The following ZFYVE28 variants were observed in gnomAD, a reference collection of about 807,000 sequenced individuals.
ZFYVE28 encodes the protein zinc finger FYVE-type containing 28.
In ZFYVE28, 40 loss-of-function variants were observed where a neutral mutation model predicts 82.1. That is an observed-to-expected ratio of 0.49 (90% CI 0.38 to 0.63). The LOEUF (loss-of-function observed/expected upper bound fraction) is 0.63, where lower values mean the gene tolerates loss of function less well. Ranked by LOEUF, ZFYVE28 falls within the 30% of genes least tolerant of loss-of-function variation. The pLI is 0.00. For missense variants in ZFYVE28, 1,321 were observed against 1,242.1 expected, an observed-to-expected ratio of 1.06 and a Z score of -0.96; for synonymous variants, 612 against 546.1, an observed-to-expected ratio of 1.12 and a Z score of -1.68.
Position 2,418,230 on chromosome 4 carries a change from G to T in ZFYVE28, c.39+55C>A. 1 of 1,514,092 alleles carries T rather than the reference G, an allele frequency of 6.6e-7. No individual in the cohort carries two copies. The allele number at this position is 1,514,092 out of a possible 1,614,324, so 93.8% of individuals were successfully genotyped here. A position where few individuals can be genotyped will look rare whatever the true frequency, so the allele number is the denominator to read the frequency against. ...TCTTGTAGGGCGGACGGGCGGTCCT[G>T]GGGAAGGGAGAGGCCGCGACGCGGG... is the stretch of plus-strand genomic sequence containing the variant. On this transcript the variant is annotated intron_variant, in intron 1 of 12. Transcript: ENST00000290974. This position sits in a 1 kb window ranked among gnomAD's most constrained non-coding sequence, Gnocchi z 4.6.
chr4:2,363,679 T>C (rs1726469838), intron 1 of ZFYVE28, among the ~76,000 whole-genome samples: 1 of 152,212 alleles, frequency 6.6e-6, no homozygotes, highest in African/African-American at 2.4e-5. Flanking sequence ...CACCAGCGCA[T>C]GGAGGACTAA....
intron 8 of ZFYVE28, among the ~76,000 whole-genome samples, chr4:2,299,289 G>A (rs550581799): frequency 1.4e-3 from 216 of 152,206 alleles, no homozygotes; most frequent in African/African-American, 5.1e-3. Flanking sequence ...CAGGAACAGC[G>A]AAGGGTACTC....
At chr4:2,277,083 C>G (rs983261155) in intron 8 of ZFYVE28, among the ~76,000 whole-genome samples, 3 of 152,138 alleles carry the variant, frequency 2.0e-5, no homozygotes, top group Non-Finnish European at 4.4e-5. Flanking sequence ...GCGTGGCGCC[C>G]GACACAGAAG....
At chr4:2,283,106 A>G (rs1303815959) in intron 8 of ZFYVE28, among the ~76,000 whole-genome samples, 1 of 151,546 alleles carries the variant, frequency 6.6e-6, no homozygotes, top group Non-Finnish European at 1.5e-5. Flanking sequence ...AAAGTCATCC[A>G]TCCATCCACC....
chr4:2,393,644 T>A (rs1470679496), intron 1 of ZFYVE28, among the ~76,000 whole-genome samples: 1 of 152,224 alleles, frequency 6.6e-6, no homozygotes, highest in Non-Finnish European at 1.5e-5. Context: ...AAGGACATCA[T>A]GCATATGCAA....
intron 6 of ZFYVE28, among the ~76,000 whole-genome samples, chr4:2,323,624 T>C (rs1204775357): frequency 2.6e-5 from 4 of 151,892 alleles, no homozygotes; most frequent in South Asian, 2.1e-4. Flanking sequence ...ACATGTGCCA[T>C]GCTGGTGCGC....
Position 2,418,174 on chromosome 4 carries a change from A to T in ZFYVE28, c.39+111T>A. The T allele has an allele frequency of 1.0e-6, 1 of 999,918 alleles. No homozygotes were observed. Among genetic ancestry groups the T allele is most frequent in the Non-Finnish European group, 1.4e-6 (1 of 720,214 alleles). The allele number at this position is 999,918 out of a possible 1,614,324, so 61.9% of individuals were successfully genotyped here. A position where few individuals can be genotyped will look rare whatever the true frequency, so the allele number is the denominator to read the frequency against. On this transcript the variant is annotated intron_variant, in intron 1 of 12. Coordinates refer to ENST00000290974, the MANE Select transcript of ZFYVE28 (RefSeq NM_020972.3). The surrounding 1 kb of genome is among the most constrained non-coding windows in gnomAD (Gnocchi z 4.6). Reference sequence around the variant, plus strand: ...GGAAGGATGTCGGCGGTGGGGGAAGAGGCCGGCCACGGACAGGGAAAGGGA... The same window carrying T: ...GGAAGGATGTCGGCGGTGGGGGAAGTGGCCGGCCACGGACAGGGAAAGGGA...
intron 8 of ZFYVE28, among the ~76,000 whole-genome samples, chr4:2,303,912 C>T (rs554333040): frequency 7.2e-5 from 11 of 152,354 alleles, no homozygotes; most frequent in South Asian, 2.1e-4. Flanking sequence ...CCGGCGCTGG[C>T]ACAGCCCGCT....
chr4:2,283,770 G>A (rs982920285), intron 8 of ZFYVE28, among the ~76,000 whole-genome samples: 2 of 152,226 alleles, frequency 1.3e-5, no homozygotes, highest in African/African-American at 4.8e-5. Flanking sequence ...GTTGTGGGAG[G>A]TCAGAGGGGA....
chr4:2,330,936 G>T, intron 6 of ZFYVE28: 2 of 1,535,358 alleles, frequency 1.3e-6, no homozygotes, highest in South Asian at 1.2e-5. Flanking sequence ...ATGACACCTT[G>T]TTTTGACACA....
chr4:2,382,158 G>A (rs532033707), intron 1 of ZFYVE28, among the ~76,000 whole-genome samples: 1 of 152,384 alleles, frequency 6.6e-6, no homozygotes, highest in East Asian at 1.9e-4. Flanking sequence ...GAAGTTTGCT[G>A]CAGGGGTGGG....
intron 5 of ZFYVE28, among the ~76,000 whole-genome samples, chr4:2,336,526 T>TA (rs1331197747): frequency 6.6e-6 from 1 of 151,966 alleles, no homozygotes; most frequent in Non-Finnish European, 1.5e-5. Flanking sequence ...CAAATTACTG[T>TA]ACAAAGCCTG....
At chr4:2,350,459 G>A (rs1013686717) in intron 2 of ZFYVE28, among the ~76,000 whole-genome samples, 25 of 150,540 alleles carry the variant, frequency 1.7e-4, no homozygotes, top group African/African-American at 4.1e-4. Context: ...GCGAGACTCC[G>A]TCTCAAAAAA....
chr4:2,311,486 A>T (rs1350591528), intron 7 of ZFYVE28, among the ~76,000 whole-genome samples: 1 of 152,178 alleles, frequency 6.6e-6, no homozygotes, highest in Non-Finnish European at 1.5e-5. Flanking sequence ...AGATCGCACC[A>T]CTGTACTCCA....
intron 8 of ZFYVE28, among the ~76,000 whole-genome samples, chr4:2,284,789 G>A (rs1422457014): frequency 6.6e-6 from 1 of 152,158 alleles, no homozygotes; most frequent in Non-Finnish European, 1.5e-5. Flanking sequence ...AATCGGCTCT[G>A]GAACTGTCTG....
chr4:2,365,118 A>T (rs937629554), intron 1 of ZFYVE28, among the ~76,000 whole-genome samples: 2 of 125,686 alleles, frequency 1.6e-5, no homozygotes, highest in Non-Finnish European at 3.3e-5. Flanking sequence ...CAGCGTGGGG[A>T]GAGAGGGGCC....
chr4:2,342,662 G>A (rs1395182314), intron 2 of ZFYVE28: 1 of 152,190 alleles, frequency 6.6e-6, no homozygotes, highest in Non-Finnish European at 1.5e-5. Context: ...GTATATGAGG[G>A]AGAAGAAGCC....
chr4:2,350,056 C>CACACAT (rs1258979837), intron 2 of ZFYVE28, among the ~76,000 whole-genome samples: 2 of 152,012 alleles, frequency 1.3e-5, no homozygotes, highest in Non-Finnish European at 2.9e-5. Context: ...CACACACACA[C>CACACAT]ACACACACAC....
At chr4:2,390,035 T>C (rs1375478448) in intron 1 of ZFYVE28, among the ~76,000 whole-genome samples, 1 of 152,152 alleles carries the variant, frequency 6.6e-6, no homozygotes, top group Non-Finnish European at 1.5e-5. Context: ...AATGTGACCA[T>C]ATGTGGCAAA....
Sources: gnomAD v4.1 joint callset for allele counts (sites outside exome capture counted in the v4.1 genomes callset) on GRCh38, gnomAD v4.1.1 for gene constraint, Gnocchi (gnomAD v3.1) non-coding constraint, MANE v1.5 for transcripts, NCBI Gene and HGNC (gene_info 2026-07-23, HGNC 2026-07-21) for gene names.